UROS: variants seen among roughly 807,000 people sequenced by gnomAD.
The protein encoded by UROS is uroporphyrinogen III synthase, also known as uroporphyrinogen-III synthase.
UROS carries 18 observed loss-of-function variants against 33.0 expected under a neutral mutation model. The observed-to-expected ratio is 0.55, with a 90% CI of 0.38 to 0.81. The LOEUF (loss-of-function observed/expected upper bound fraction) is 0.81, where lower values mean the gene tolerates loss of function less well. Among genes scored for constraint, UROS ranks in the 30% least tolerant of loss-of-function variants. UROS has a pLI of 0.00. For missense variants in UROS, 293 were observed against 314.9 expected (o/e 0.93, Z 0.53); for synonymous variants, 114 against 121.1 (o/e 0.94, Z 0.38).
At chr10:125,809,478 C>T (rs1193645090) in intron 5 of UROS, among the ~76,000 whole-genome samples, 1 of 152,026 alleles carries the variant, frequency 6.6e-6, no homozygotes, top group Non-Finnish European at 1.5e-5. Context: ...TTATGTAGAC[C>T]AAGTACAGTA....
chr10:125,795,768 T>G (rs1433417538), intron 8 of UROS, among the ~76,000 whole-genome samples: 1 of 152,200 alleles, frequency 6.6e-6, no homozygotes, highest in Non-Finnish European at 1.5e-5. Flanking sequence ...AATTATCTCC[T>G]TTAACCCCTA....
At chr10:125,803,159 G>T in intron 6 of UROS, 2 of 1,241,256 alleles carry the variant, frequency 1.6e-6, no homozygotes, top group Non-Finnish European at 2.2e-6. Flanking sequence ...TATTAGCTCT[G>T]TTCCTTATGG....
intron 5 of UROS, 39 bp downstream of exon 5, chr10:125,812,175 G>A (rs1852875038): frequency 1.9e-6 from 3 of 1,577,084 alleles, no homozygotes; most frequent in Non-Finnish European, 1.7e-6. Context: ...AAAAGGCTAA[G>A]CCATTTTTTG....
In UROS at chr10:125,814,973, C is replaced by T. The variant is rs1281513150; in HGVS notation, c.244+61G>A. ...GCAGCTGCTTCTGGAATTTAGTCTCCCAGCAGGAGAAATAAGAGTAAATAA... is the reference window on the plus strand; with the variant it reads ...GCAGCTGCTTCTGGAATTTAGTCTCTCAGCAGGAGAAATAAGAGTAAATAA... On this transcript the variant is annotated intron_variant, in intron 4 of 9. Coordinates refer to ENST00000368797, the MANE Select transcript of UROS (RefSeq NM_000375.3). The T allele has an allele frequency of 2.5e-6, 4 of 1,575,520 alleles. No individual in the cohort carries two copies. The African/African-American group carries it at 4.0e-5, about 16-fold the overall frequency.
Position 125,788,640 on chromosome 10 carries a change from C to G in UROS, c.*228G>C. Reference sequence around the variant, plus strand: ...TCCTTCCTGCTGGGCACAGGAAGCTCTCACAGGGCTAGGGTTTAAGCTGGC... The same window carrying G: ...TCCTTCCTGCTGGGCACAGGAAGCTGTCACAGGGCTAGGGTTTAAGCTGGC... On this transcript the variant is annotated 3_prime_UTR_variant, in exon 10 of 10. Coordinates refer to ENST00000368797, the MANE Select transcript of UROS (RefSeq NM_000375.3). 11 of 1,413,184 alleles carry G rather than the reference C, an allele frequency of 7.8e-6. No homozygotes were observed. The South Asian group carries it at 1.8e-4, about 23-fold the overall frequency. 87.5% of individuals were successfully genotyped at this position (1,413,184 alleles called of 1,614,324 possible).
chr10:125,796,193 G>A lies in UROS; in HGVS notation c.476-5C>T. The A allele has an allele frequency of 6.2e-7, 1 of 1,614,026 alleles. No homozygotes were observed. ...TTATGCTTTCCATGGCAATCCCTGG[G>A]CACAATCAAAAGCAGGAAAGACTTT... On this transcript the variant is annotated splice_polypyrimidine_tract_variant and splice_region_variant and intron_variant, in intron 7 of 9. Coordinates refer to ENST00000368797, the MANE Select transcript of UROS (RefSeq NM_000375.3).
chr10:125,805,291 A>T (rs1477874495), intron 6 of UROS, among the ~76,000 whole-genome samples: 1 of 152,200 alleles, frequency 6.6e-6, no homozygotes, highest in African/African-American at 2.4e-5. Flanking sequence ...TCCCTGCAGG[A>T]GCCCCAGTCA....
In UROS at chr10:125,807,551, A is replaced by G. The variant is rs368892648; in HGVS notation, c.320-64T>C. 148 of 1,337,962 alleles carry G rather than the reference A, an allele frequency of 1.1e-4. No homozygotes were observed. The African/African-American group carries it at 1.9e-3, about 17-fold the overall frequency. 82.9% of individuals were successfully genotyped at this position (1,337,962 alleles called of 1,614,324 possible). On this transcript the variant is annotated intron_variant, in intron 5 of 9. Transcript: ENST00000368797. ...ATTGAAGTCCTTTTGTTCCAGCGTT[A>G]TTTTTTAACGTGCAAATACACAGGT...
chr10:125,794,314 AGT>A (rs1851171020), intron 9 of UROS: 3 of 990,292 alleles, frequency 3.0e-6, no homozygotes, highest in Non-Finnish European at 3.6e-6. Flanking sequence ...AGTGAGTGGC[AGT>A]GTCTGTCCTT....
At chr10:125,788,568 A>G, downstream of UROS, 6 of 1,305,136 alleles carry the variant, frequency 4.6e-6, no homozygotes, top group Non-Finnish European at 5.9e-6. Context: ...GACACACAGC[A>G]ACCATACACT....
chr10:125,816,618 C>G, intron 1 of UROS, 93 bp from the exon 2 acceptor site: 1 of 1,276,970 alleles, frequency 7.8e-7, no homozygotes, highest in Non-Finnish European at 1.1e-6. Context: ...AGAAGGCAAT[C>G]AAATGCTTGT....
chr10:125,790,006 C>T (rs927822539), intron 9 of UROS, among the ~76,000 whole-genome samples: 5 of 152,206 alleles, frequency 3.3e-5, no homozygotes, highest in African/African-American at 9.7e-5. Context: ...CCCAGCACTC[C>T]GCTTCATCCT....
chr10:125,802,234 G>A (rs1383910079), intron 6 of UROS: 3 of 985,516 alleles, frequency 3.0e-6, no homozygotes, highest in South Asian at 4.7e-5. Flanking sequence ...ACTGATGTGT[G>A]GCTCCATGAC....
downstream of UROS, among the ~76,000 whole-genome samples, chr10:125,787,269 G>C (rs1850658643): frequency 6.6e-6 from 1 of 152,196 alleles, no homozygotes; most frequent in African/African-American, 2.4e-5. Context: ...CCCTGCAACA[G>C]GGTGTTTTTC....
intron 6 of UROS, among the ~76,000 whole-genome samples, chr10:125,799,343 G>C (rs1461273279): frequency 6.6e-6 from 1 of 152,158 alleles, no homozygotes; most frequent in Non-Finnish European, 1.5e-5. Context: ...TGCATCCCTA[G>C]AGACATATTT....
chr10:125,808,338 C>T (rs1852512200), intron 5 of UROS, among the ~76,000 whole-genome samples: 1 of 152,132 alleles, frequency 6.6e-6, no homozygotes, highest in Admixed American at 6.5e-5. Context: ...TTAATAAAAA[C>T]ACCAGCAGCT....
Position 125,814,472 on chromosome 10 carries a change from T to G in UROS, c.244+562A>C, listed in dbSNP as rs185057618. 3.8e-3 allele frequency among the ~76,000 whole-genome samples: 584 copies of G among 152,312 alleles called. 3 individuals carry two copies. Among genetic ancestry groups the G allele is most frequent in the African/African-American group, 0.012 (492 of 41,570 alleles). ...CTCTGGATTGTTATCTAGGGTTAAG[T>G]GGGGTAATGAACGTGAAGTATTCAT... On this transcript the variant is annotated intron_variant, in intron 4 of 9. Coordinates refer to ENST00000368797, the MANE Select transcript of UROS (RefSeq NM_000375.3).
At chr10:125,802,817 G>T in intron 6 of UROS, 1 of 1,469,654 alleles carries the variant, frequency 6.8e-7, no homozygotes, top group Non-Finnish European at 9.0e-7. Context: ...GCGAGGCCCT[G>T]TGCGCTCCTG....
rs561557378 is a variant in UROS at position 125,806,358 on chromosome 10, G to A, written c.394+1055C>T. ...CACTCATCCTGATCTCACCACCCAA[G>A]GGCCAAGGCATATACCCCTCTCCTG... On this transcript the variant is annotated intron_variant, in intron 6 of 9. Coordinates refer to ENST00000368797, the MANE Select transcript of UROS (RefSeq NM_000375.3). Among the ~76,000 whole-genome samples, 51 of 152,144 alleles carry A rather than the reference G, an allele frequency of 3.4e-4. No individual in the cohort carries two copies. The South Asian group carries it at 4.2e-3, about 12-fold the overall frequency.
Sources: gnomAD v4.1 joint callset for allele counts (sites outside exome capture counted in the v4.1 genomes callset) on GRCh38, gnomAD v4.1.1 for gene constraint, MANE v1.5 for transcripts, NCBI Gene and HGNC (gene_info 2026-07-23, HGNC 2026-07-21) for gene names.